ZNF521: variants seen among roughly 807,000 people sequenced by gnomAD.
ZNF521 encodes LYST-interacting protein 3.
ZNF521 carries 14 observed loss-of-function variants against 105.5 expected under a neutral mutation model. The observed-to-expected ratio is 0.13, with a 90% CI of 0.09 to 0.21. The LOEUF (loss-of-function observed/expected upper bound fraction) is 0.21. Among genes scored for constraint, ZNF521 ranks in the 10% least tolerant of loss-of-function variants. ZNF521 has a pLI of 1.00. For synonymous variants in ZNF521, 635 were observed against 606.0 expected (o/e 1.05, Z -0.70); for missense variants, 1,233 against 1,629.7 (o/e 0.76, Z 4.19).
intron 4 of ZNF521, chr18:25,202,399 A>G (rs1027655450): frequency 1.3e-5 from 2 of 152,236 alleles, no homozygotes; most frequent in African/African-American, 4.8e-5. Context: ...GATCATTTAA[A>G]GTATATGAGA....
At chr18:25,303,643 C>G (rs1013186544) in intron 3 of ZNF521, among the ~76,000 whole-genome samples, 1 of 152,018 alleles carries the variant, frequency 6.6e-6, no homozygotes, top group Non-Finnish European at 1.5e-5. Flanking sequence ...TTGGGGTTTC[C>G]TATTATATAT....
chr18:25,164,323 C>G (rs1352700753), intron 5 of ZNF521, among the ~76,000 whole-genome samples: 1 of 152,172 alleles, frequency 6.6e-6, no homozygotes, highest in Non-Finnish European at 1.5e-5. Context: ...GCAGGAGAGC[C>G]AACCCCAATA....
At chr18:25,118,965 T>G (rs968688399) in intron 5 of ZNF521, among the ~76,000 whole-genome samples, 1 of 152,106 alleles carries the variant, frequency 6.6e-6, no homozygotes, top group African/African-American at 2.4e-5. Flanking sequence ...ATGAGAATGC[T>G]AGAGGGGCTA....
chr18:25,232,704 G>C (rs1387231109), intron 3 of ZNF521, among the ~76,000 whole-genome samples: 1 of 152,176 alleles, frequency 6.6e-6, no homozygotes, highest in Non-Finnish European at 1.5e-5. Context: ...TTTTTCTATG[G>C]AATTCTGAGG....
intron 5 of ZNF521, among the ~76,000 whole-genome samples, chr18:25,093,472 T>C (rs985275969): frequency 6.6e-6 from 1 of 152,210 alleles, no homozygotes; most frequent in Middle Eastern, 3.2e-3. Flanking sequence ...AAAGACAACA[T>C]GCATGTGTAA....
rs147778518 is a variant in ZNF521, at chr18:25,247,379, A to G, written c.221-19682T>C. 4.9e-3 allele frequency among the ~76,000 whole-genome samples: 742 copies of G among 152,290 alleles called. 6 individuals carry two copies. Among genetic ancestry groups the G allele is most frequent in the Middle Eastern group, 0.014 (4 of 294 alleles). Reference sequence around the variant, plus strand: ...ATAAGCAGGAGTTTTCCAGGCAGGAAAACAATAGTATGTACAAATGCAAAC... The same window carrying G: ...ATAAGCAGGAGTTTTCCAGGCAGGAGAACAATAGTATGTACAAATGCAAAC... On this transcript the variant is annotated intron_variant, in intron 3 of 7. Transcript: ENST00000361524.
intron 2 of ZNF521, among the ~76,000 whole-genome samples, chr18:25,346,348 G>GAAA (rs373114660): frequency 2.6e-5 from 4 of 151,596 alleles, no homozygotes; most frequent in African/African-American, 9.7e-5. Flanking sequence ...GAACATAAGA[G>GAAA]AAAAAAATGT....
At chr18:25,262,109 C>A (rs1055925666) in intron 3 of ZNF521, among the ~76,000 whole-genome samples, 1 of 152,128 alleles carries the variant, frequency 6.6e-6, no homozygotes, top group African/African-American at 2.4e-5. Flanking sequence ...AGGAAACAAT[C>A]ACTTACGTCC....
At chr18:25,262,734 C>T (rs1246014424) in intron 3 of ZNF521, among the ~76,000 whole-genome samples, 3 of 152,230 alleles carry the variant, frequency 2.0e-5, no homozygotes. Flanking sequence ...GGAGGGCTGC[C>T]TAGGGCAGTG....
chr18:25,247,309 T>A (rs1324362619), intron 3 of ZNF521, among the ~76,000 whole-genome samples: 1 of 152,166 alleles, frequency 6.6e-6, no homozygotes, highest in Non-Finnish European at 1.5e-5. Flanking sequence ...TTGTCGAACA[T>A]ATAATAGCCA....
chr18:25,102,468 T>C (rs1468878360), intron 5 of ZNF521, among the ~76,000 whole-genome samples: 1 of 151,954 alleles, frequency 6.6e-6, no homozygotes, highest in Admixed American at 6.6e-5. Context: ...TTGGAGATGC[T>C]CTAACTAAGG....
At chr18:25,238,012 G>A (rs557015840) in intron 3 of ZNF521, among the ~76,000 whole-genome samples, 7 of 152,262 alleles carry the variant, frequency 4.6e-5, no homozygotes, top group South Asian at 2.1e-4. Context: ...ATAGGTCAAC[G>A]AGGATGAGTA....
At chr18:25,114,688 A>T (rs912533003) in intron 5 of ZNF521, among the ~76,000 whole-genome samples, 1 of 152,230 alleles carries the variant, frequency 6.6e-6, no homozygotes, top group African/African-American at 2.4e-5. Flanking sequence ...CTACCACACA[A>T]ATACTCACTC....
At chr18:25,143,954 T>C (rs1362616534) in intron 5 of ZNF521, among the ~76,000 whole-genome samples, 3 of 152,222 alleles carry the variant, frequency 2.0e-5, no homozygotes, top group African/African-American at 7.2e-5. Flanking sequence ...TCCTTTGCTT[T>C]GTTTCAGTAT....
Position 25,274,495 on chromosome 18 carries a change from G to A in ZNF521, c.221-46798C>T, listed in dbSNP as rs186714177. Among the ~76,000 whole-genome samples the A allele has an allele frequency of 8.5e-5, 13 of 152,208 alleles. No individual in the cohort carries two copies. The East Asian group carries it at 1.5e-3, about 18-fold the overall frequency. On this transcript the variant is annotated intron_variant, in intron 3 of 7. Coordinates refer to ENST00000361524, the MANE Select transcript of ZNF521 (RefSeq NM_015461.3). ...AATTAGATATGTGGTATTTATTAGA[G>A]GTTAATGGCATATGAATAAAATTTC...
chr18:25,095,617 A>G (rs8093028), intron 5 of ZNF521, among the ~76,000 whole-genome samples: 38 of 152,254 alleles, frequency 2.5e-4, no homozygotes, highest in Admixed American at 1.3e-3. Flanking sequence ...TGAAAGAGAG[A>G]GGGAAAAACC....
At chr18:25,177,083 T>C (rs1010628707) in intron 5 of ZNF521, among the ~76,000 whole-genome samples, 1 of 151,638 alleles carries the variant, frequency 6.6e-6, no homozygotes, top group Non-Finnish European at 1.5e-5. Context: ...CATGTCACTT[T>C]CAGTGATTTT....
At chr18:25,113,761 G>GACACACACACACACACACACACAC (rs10667710) in intron 5 of ZNF521, among the ~76,000 whole-genome samples, 13 of 101,608 alleles carry the variant, frequency 1.3e-4, no homozygotes, top group South Asian at 4.7e-4. Flanking sequence ...AGGACGGACG[G>GACACACACACACACACACACACAC]ACACACACAC....
At chr18:25,136,117 A>T (rs2034728816) in intron 5 of ZNF521, among the ~76,000 whole-genome samples, 1 of 152,298 alleles carries the variant, frequency 6.6e-6, no homozygotes, top group East Asian at 1.9e-4. Flanking sequence ...AATAATATAT[A>T]AAAAAAGTTG....
Sources: gnomAD v4.1 joint callset for allele counts (sites outside exome capture counted in the v4.1 genomes callset) on GRCh38, gnomAD v4.1.1 for gene constraint, MANE v1.5 for transcripts, NCBI Gene and HGNC (gene_info 2026-07-23, HGNC 2026-07-21) for gene names.